The following PPFIBP2 variants were observed in gnomAD, a reference collection of about 807,000 sequenced individuals.
PPFIBP2 encodes liprin-beta-2.
A neutral mutation model predicts 118.3 loss-of-function variants in PPFIBP2; 118 were observed. The observed-to-expected ratio is 1.00, with a 90% confidence interval of 0.86 to 1.16. PPFIBP2 has a LOEUF of 1.16. Ranked by LOEUF, PPFIBP2 falls within the 50% of genes most tolerant of loss-of-function variation. The probability of loss-of-function intolerance (pLI) is 0.00; values close to 1 mark genes in which losing one functional copy is unlikely to be tolerated. For missense variants in PPFIBP2, 1,195 were observed against 1,073.1 expected, an observed-to-expected ratio of 1.11 and a Z score of -1.59; for synonymous variants, 414 against 397.4, an observed-to-expected ratio of 1.04 and a Z score of -0.50.
chr11:7,634,954 T>C (rs972219186), intron 13 of PPFIBP2, among the ~76,000 whole-genome samples: 1 of 152,108 alleles, frequency 6.6e-6, no homozygotes, highest in African/African-American at 2.4e-5. Flanking sequence ...ATTTTTTTAA[T>C]GATGAATTAA....
chr11:7,540,670 T>C (rs1282511797), intron 1 of PPFIBP2, among the ~76,000 whole-genome samples: 5 of 152,286 alleles, frequency 3.3e-5, no homozygotes, highest in African/African-American at 1.2e-4. Context: ...ACTTATCCAG[T>C]GCTTACAGAA....
intron 1 of PPFIBP2, among the ~76,000 whole-genome samples, chr11:7,525,632 C>T (rs535153666): frequency 2.0e-5 from 3 of 152,302 alleles, no homozygotes; most frequent in South Asian, 2.1e-4. Flanking sequence ...CAGCAAACAG[C>T]GCAGAGTCCA....
intron 5 of PPFIBP2, 167 bp downstream of exon 5, chr11:7,597,840 A>T: frequency 1.7e-6 from 1 of 598,214 alleles, no homozygotes; most frequent in Non-Finnish European, 3.0e-6. Context: ...AACCAACCTG[A>T]ACGTTGAGAG....
intron 15 of PPFIBP2, chr11:7,641,176 G>A: frequency 1.0e-6 from 1 of 962,020 alleles, no homozygotes; most frequent in Non-Finnish European, 1.5e-6. Flanking sequence ...CTGCGTTCCT[G>A]CATCTCCCTC....
intron 1 of PPFIBP2, among the ~76,000 whole-genome samples, chr11:7,518,918 G>T (rs1278570241): frequency 6.6e-6 from 1 of 152,206 alleles, no homozygotes; most frequent in Non-Finnish European, 1.5e-5. Flanking sequence ...TCCTGCTGAG[G>T]GTTTGAAGGG....
At chr11:7,617,077 G>A in intron 6 of PPFIBP2, 2 of 972,700 alleles carry the variant, frequency 2.1e-6, no homozygotes, top group Non-Finnish European at 2.4e-6. Context: ...GTCTGACCTG[G>A]AGTGCTTTTC....
At chr11:7,518,006 C>G (rs1849391517) in intron 1 of PPFIBP2, among the ~76,000 whole-genome samples, 1 of 152,224 alleles carries the variant, frequency 6.6e-6, no homozygotes, top group Non-Finnish European at 1.5e-5. Flanking sequence ...CATTGCCGTA[C>G]TTGAAACAGG....
At chr11:7,665,801 A>G in the PPFIBP2 span, 1 of 1,505,614 alleles carries the variant, frequency 6.6e-7, no homozygotes. Context: ...AGCATTGACG[A>G]GGAAGGAGAA....
chr11:7,532,009 T>G (rs1019909005), intron 1 of PPFIBP2, among the ~76,000 whole-genome samples: 7 of 152,006 alleles, frequency 4.6e-5, no homozygotes, highest in Non-Finnish European at 1.0e-4. Flanking sequence ...CTAGTTTTTG[T>G]GTGTGTGTTT....
the PPFIBP2 span, chr11:7,665,779 C>CT: frequency 1.7e-5 from 25 of 1,454,760 alleles, no homozygotes; most frequent in African/African-American, 3.2e-4. Flanking sequence ...CTGCTGCTGT[C>CT]TGTCAGCTGT....
intron 23 of PPFIBP2, among the ~76,000 whole-genome samples, chr11:7,652,065 A>G (rs1012275084): frequency 2.0e-5 from 3 of 152,360 alleles, no homozygotes; most frequent in Middle Eastern, 3.4e-3. Flanking sequence ...TTCTTTACCT[A>G]GAAAATATGT....
chr11:7,565,433 G>A, intron 2 of PPFIBP2, 120 bp from the exon 3 acceptor site: 1 of 1,028,152 alleles, frequency 9.7e-7, no homozygotes, highest in Non-Finnish European at 1.5e-6. Flanking sequence ...GCCATGCCCA[G>A]CTCACCCCCA....
chr11:7,660,680 T>A (rs1276556117), downstream of PPFIBP2, among the ~76,000 whole-genome samples: 1 of 151,202 alleles, frequency 6.6e-6, no homozygotes, highest in East Asian at 1.9e-4. Context: ...TTAGGGAGGA[T>A]TCCCTCTTTT....
Position 7,640,011 on chromosome 11 carries a change from G to A in PPFIBP2, c.1375+141G>A, listed in dbSNP as rs530267857. On this transcript the variant is annotated intron_variant, in intron 15 of 23. Coordinates refer to ENST00000299492, the MANE Select transcript of PPFIBP2 (RefSeq NM_003621.5). The stretch of plus-strand genomic sequence containing the variant: ...GGTGGCTGGAACAAGTTGTACCTTG[G>A]GGTGGTCCCACCTCCCCAGAGGCTC... The A allele has an allele frequency of 3.4e-5, 39 of 1,151,440 alleles. No individual in the cohort carries two copies. In the East Asian group the frequency reaches 9.3e-4, roughly 27 times the overall value. The allele number at this position is 1,151,440 out of a possible 1,614,324, so 71.3% of individuals were successfully genotyped here. A position where few individuals can be genotyped will look rare whatever the true frequency, so the allele number is the denominator to read the frequency against.
intron 2 of PPFIBP2, among the ~76,000 whole-genome samples, chr11:7,556,545 G>T (rs1300663812): frequency 6.6e-6 from 1 of 152,104 alleles, no homozygotes; most frequent in Non-Finnish European, 1.5e-5. Context: ...TAGTATCTTT[G>T]TATTCTCCAA....
chr11:7,617,564 C>G (rs1018883713), intron 6 of PPFIBP2, among the ~76,000 whole-genome samples: 1 of 152,076 alleles, frequency 6.6e-6, no homozygotes, highest in Non-Finnish European at 1.5e-5. Context: ...ACCAGGTGCT[C>G]CGAGTGATGG....
chr11:7,630,752 C>G (rs939327236), intron 10 of PPFIBP2, among the ~76,000 whole-genome samples, 173 bp from the exon 11 acceptor site: 1 of 152,176 alleles, frequency 6.6e-6, no homozygotes, highest in Non-Finnish European at 1.5e-5. Flanking sequence ...GATCCTGATG[C>G]CAGCCCTTGC....
At chr11:7,573,467 C>T (rs1855893266) in intron 3 of PPFIBP2, among the ~76,000 whole-genome samples, 1 of 152,240 alleles carries the variant, frequency 6.6e-6, no homozygotes, top group South Asian at 2.1e-4. Flanking sequence ...TACACAGCCA[C>T]ACACTGGTTT....
the PPFIBP2 span, among the ~76,000 whole-genome samples, chr11:7,663,923 G>A: frequency 1.1e-4 from 16 of 152,290 alleles, no homozygotes; most frequent in Admixed American, 4.6e-4. Context: ...AGGTGCGTCC[G>A]TCACCCCTTT....
Sources: allele counts gnomAD v4.1 joint callset (sites outside exome capture counted in the v4.1 genomes callset), GRCh38; gene constraint gnomAD v4.1.1; transcripts MANE v1.5; gene names NCBI Gene and HGNC (gene_info 2026-07-23, HGNC 2026-07-21).